Variants in TMTC2 observed in about 807,000 individuals in gnomAD.
TMTC2 encodes protein O-mannosyl-transferase TMTC2.
A neutral mutation model predicts 82.4 loss-of-function variants in TMTC2; 43 were observed. That is an observed-to-expected ratio of 0.52 (90% CI 0.41 to 0.67). The LOEUF (loss-of-function observed/expected upper bound fraction) is 0.67, where lower values mean the gene tolerates loss of function less well. TMTC2 is among the 30% of genes least tolerant of loss of function. TMTC2 has a pLI of 0.00. For missense variants in TMTC2, 919 were observed against 1,012.4 expected (o/e 0.91, Z 1.25); for synonymous variants, 408 against 381.9 (o/e 1.07, Z -0.80).
rs929170503 is a variant in TMTC2 at position 82,773,896 on chromosome 12, G to C, written c.84-83114G>C. On this transcript the variant is annotated intron_variant, in intron 1 of 11. Coordinates refer to ENST00000321196, the MANE Select transcript of TMTC2 (RefSeq NM_152588.3). ...GCAGTCCAGAGATGAGAATTTTAGGGAAGATTTTTCTGTGTTGGAATGAAA... is the reference window on the plus strand; with the variant it reads ...GCAGTCCAGAGATGAGAATTTTAGGCAAGATTTTTCTGTGTTGGAATGAAA... Among the ~76,000 whole-genome samples, 111 of 151,764 alleles carry C rather than the reference G, an allele frequency of 7.3e-4. 1 individual carries two copies. The highest frequency in any genetic ancestry group is 2.6e-3 in the African/African-American group (107 of 41,330).
chr12:82,958,253 A>G (rs1877717792), intron 4 of TMTC2, among the ~76,000 whole-genome samples: 2 of 150,768 alleles, frequency 1.3e-5, no homozygotes. Flanking sequence ...AGCCCCAGCT[A>G]CTGAGGCAGG....
chr12:83,068,402 A>G (rs1882994695), intron 11 of TMTC2, among the ~76,000 whole-genome samples: 1 of 152,158 alleles, frequency 6.6e-6, no homozygotes, highest in Non-Finnish European at 1.5e-5. Flanking sequence ...TTAACATATA[A>G]AGGATTATTA....
chr12:82,782,895 T>C (rs1003205074), intron 1 of TMTC2, among the ~76,000 whole-genome samples: 1 of 152,154 alleles, frequency 6.6e-6, no homozygotes. Flanking sequence ...AATTATTGAA[T>C]GTTCCTTTTT....
intron 9 of TMTC2, among the ~76,000 whole-genome samples, chr12:83,034,559 A>G (rs1881586483): frequency 6.6e-6 from 1 of 152,234 alleles, no homozygotes; most frequent in Non-Finnish European, 1.5e-5. Flanking sequence ...GAATAGAACA[A>G]GGGAAACTCT....
intron 1 of TMTC2, among the ~76,000 whole-genome samples, chr12:82,845,300 C>A (rs1245628074): frequency 7.5e-6 from 1 of 134,134 alleles, no homozygotes; most frequent in Non-Finnish European, 1.6e-5. Flanking sequence ...TTGCAACATA[C>A]CACAAATACC....
intron 8 of TMTC2, among the ~76,000 whole-genome samples, chr12:83,029,328 T>A (rs893675114): frequency 6.6e-6 from 1 of 151,764 alleles, no homozygotes; most frequent in Non-Finnish European, 1.5e-5. Flanking sequence ...TGAACCTTTT[T>A]AAAAAAAAAC....
At chr12:83,110,828 A>T (rs1415465488) in intron 11 of TMTC2, among the ~76,000 whole-genome samples, 1 of 152,138 alleles carries the variant, frequency 6.6e-6, no homozygotes, top group Admixed American at 6.5e-5. Context: ...GCCCTCTCTC[A>T]TGGTGTTAAA....
intron 1 of TMTC2, among the ~76,000 whole-genome samples, chr12:82,803,521 C>T (rs184937443): frequency 6.6e-6 from 1 of 152,158 alleles, no homozygotes; most frequent in Non-Finnish European, 1.5e-5. Flanking sequence ...GATAAAAACA[C>T]TTGAAATTGC....
intron 11 of TMTC2, among the ~76,000 whole-genome samples, chr12:83,099,921 AT>A (rs36119477): frequency 0.14 from 20,700 of 149,006 alleles, 1,563 homozygotes; most frequent in East Asian, 0.26. Context: ...AAGTTGTATA[AT>A]TTTTTTTTTT....
At chr12:82,827,864 AT>A (rs752193757) in intron 1 of TMTC2, among the ~76,000 whole-genome samples, 2 of 140,788 alleles carry the variant, frequency 1.4e-5, no homozygotes, top group African/African-American at 5.3e-5. Context: ...TGTCCAGCTT[AT>A]TTTTTTTTCT....
chr12:82,752,668 A>G (rs1876081780), intron 1 of TMTC2, among the ~76,000 whole-genome samples: 1 of 151,894 alleles, frequency 6.6e-6, no homozygotes, highest in African/African-American at 2.4e-5. Flanking sequence ...ATAGGCCTAT[A>G]TAGCTGCATA....
chr12:82,951,764 T>C (rs1017562127), intron 4 of TMTC2, among the ~76,000 whole-genome samples: 2 of 152,234 alleles, frequency 1.3e-5, no homozygotes, highest in Non-Finnish European at 2.9e-5. Flanking sequence ...TAAGCATTTT[T>C]CTAATAACTC....
At chr12:82,921,374 C>A (rs779967239) in intron 3 of TMTC2, among the ~76,000 whole-genome samples, 1 of 152,208 alleles carries the variant, frequency 6.6e-6, no homozygotes, top group Non-Finnish European at 1.5e-5. Flanking sequence ...ATACTATAGA[C>A]CCCAAATGTT....
intron 4 of TMTC2, among the ~76,000 whole-genome samples, chr12:82,941,203 G>A (rs1476028184): frequency 1.3e-5 from 2 of 152,048 alleles, no homozygotes; most frequent in East Asian, 3.9e-4. Flanking sequence ...TAAAAGATGG[G>A]ATCTCACTGT....
At chr12:83,090,638 C>T (rs897972383) in intron 11 of TMTC2, among the ~76,000 whole-genome samples, 1 of 152,152 alleles carries the variant, frequency 6.6e-6, no homozygotes, top group South Asian at 2.1e-4. Flanking sequence ...AATCTGTCTT[C>T]CCCCTCCTCA....
At chr12:83,030,676 AT>A (rs559604874) in intron 8 of TMTC2, 121 bp from the exon 9 acceptor site, 175 of 592,076 alleles carry the variant, frequency 3.0e-4, no homozygotes, top group South Asian at 3.8e-4. Context: ...AAAAACAAAA[AT>A]TTTTTTTTTC....
chr12:82,823,077 G>A (rs1869208615), intron 1 of TMTC2, among the ~76,000 whole-genome samples: 1 of 152,196 alleles, frequency 6.6e-6, no homozygotes, highest in Admixed American at 6.5e-5. Context: ...ATTCTTTGAT[G>A]GGACTGGAAT....
At chr12:82,764,975 G>GGGC (rs1565740348) in intron 1 of TMTC2, among the ~76,000 whole-genome samples, 1 of 103,820 alleles carries the variant, frequency 9.6e-6, no homozygotes. Context: ...TCTGGTGGGC[G>GGGC]GGGGGGTGAC....
chr12:82,782,354 T>G (rs963379821), intron 1 of TMTC2, among the ~76,000 whole-genome samples: 1 of 152,150 alleles, frequency 6.6e-6, no homozygotes, highest in Non-Finnish European at 1.5e-5. Flanking sequence ...TGGACTCTTA[T>G]GTATGATATG....
Sources: gnomAD v4.1 joint callset for allele counts (sites outside exome capture counted in the v4.1 genomes callset) on GRCh38, gnomAD v4.1.1 for gene constraint, MANE v1.5 for transcripts, NCBI Gene and HGNC (gene_info 2026-07-23, HGNC 2026-07-21) for gene names.